The following GALNT17 variants were observed in gnomAD, a reference collection of about 807,000 sequenced individuals.
GALNT17 encodes the protein UDP-GalNAc:polypeptide N-acetylgalactosaminyltransferase-like 3.
GALNT17 carries 29 observed loss-of-function variants against 63.7 expected under a neutral mutation model. That is an observed-to-expected ratio of 0.46 (90% CI 0.34 to 0.62). The LOEUF (loss-of-function observed/expected upper bound fraction) is 0.62. Among genes scored for constraint, GALNT17 ranks in the 20% least tolerant of loss-of-function variants. The pLI is 0.01. For missense variants in GALNT17, 603 were observed against 799.6 expected (o/e 0.75, Z 2.97); for synonymous variants, 305 against 318.3 (o/e 0.96, Z 0.45).
At chr7:71,148,564 C>G (rs961457295) in intron 1 of GALNT17, among the ~76,000 whole-genome samples, 1 of 152,020 alleles carries the variant, frequency 6.6e-6, no homozygotes, top group African/African-American at 2.4e-5. Context: ...TCTACCATGC[C>G]CTCTCTACCC....
At chr7:71,407,326 G>A (rs1490504868) in intron 3 of GALNT17, among the ~76,000 whole-genome samples, 1 of 152,168 alleles carries the variant, frequency 6.6e-6, no homozygotes, top group Non-Finnish European at 1.5e-5. Context: ...CAGGGGAGGG[G>A]CAGGCCAGCT....
intron 6 of GALNT17, among the ~76,000 whole-genome samples, chr7:71,656,599 C>T (rs780323959): frequency 1.3e-5 from 2 of 151,886 alleles, no homozygotes; most frequent in Non-Finnish European, 2.9e-5. Flanking sequence ...GAGTTGGATT[C>T]GGAAGTGGTG....
At chr7:71,391,089 C>T (rs1244564924) in intron 3 of GALNT17, among the ~76,000 whole-genome samples, 2 of 152,176 alleles carry the variant, frequency 1.3e-5, no homozygotes, top group African/African-American at 4.8e-5. Context: ...TTTCCCAGGG[C>T]CTGGCTGGTG....
In GALNT17 at chr7:71,133,170, T is replaced by TA. The variant is rs1787719020; in HGVS notation, c.238+131dup. The TA allele has an allele frequency of 1.4e-5, 11 of 771,210 alleles. No homozygotes were observed. The East Asian group carries it at 3.5e-4, about 25-fold the overall frequency. 47.8% of individuals were successfully genotyped at this position (771,210 alleles called of 1,614,324 possible). ...ACCCTGGCTCCCGCGCGCTCCTTCTTACCCTTCCTGCCCCGTTTCGGGCAG... is the reference window on the plus strand; with the variant it reads ...ACCCTGGCTCCCGCGCGCTCCTTCTTAACCCTTCCTGCCCCGTTTCGGGCAG... On this transcript the variant is annotated intron_variant, in intron 1 of 10. Transcript: ENST00000333538.
At chr7:71,277,856 C>A (rs189090458) in intron 1 of GALNT17, among the ~76,000 whole-genome samples, 16 of 152,256 alleles carry the variant, frequency 1.1e-4, no homozygotes, top group African/African-American at 3.9e-4. Flanking sequence ...GTGCCATGGG[C>A]GGTCACCCGT....
chr7:71,550,412 G>T (rs767743678), intron 5 of GALNT17, among the ~76,000 whole-genome samples: 3 of 151,750 alleles, frequency 2.0e-5, no homozygotes, highest in African/African-American at 7.3e-5. Flanking sequence ...ATGGAGTCTC[G>T]CTCTGTCCCC....
At chr7:71,696,540 G>T (rs1471337645) in intron 9 of GALNT17, among the ~76,000 whole-genome samples, 2 of 152,170 alleles carry the variant, frequency 1.3e-5, no homozygotes, top group Non-Finnish European at 2.9e-5. Context: ...GATGGATTTT[G>T]CTGTGTTCTG....
At chr7:71,290,367 C>T (rs950011055) in intron 1 of GALNT17, among the ~76,000 whole-genome samples, 1 of 152,180 alleles carries the variant, frequency 6.6e-6, no homozygotes, top group Non-Finnish European at 1.5e-5. Context: ...CAGGAATATA[C>T]TCATCTAGGG....
intron 9 of GALNT17, among the ~76,000 whole-genome samples, chr7:71,694,700 T>A (rs996250105): frequency 4.6e-5 from 7 of 152,146 alleles, no homozygotes; most frequent in African/African-American, 1.7e-4. Flanking sequence ...CCAGCCATTA[T>A]CCCCATTTTA....
chr7:71,660,041 T>C (rs1790883506), intron 6 of GALNT17, among the ~76,000 whole-genome samples: 1 of 152,216 alleles, frequency 6.6e-6, no homozygotes, highest in African/African-American at 2.4e-5. Flanking sequence ...GATTAATGCA[T>C]TTCCCTTGCT....
intron 2 of GALNT17, among the ~76,000 whole-genome samples, chr7:71,385,751 G>A (rs971539438): frequency 1.3e-5 from 2 of 152,164 alleles, no homozygotes; most frequent in African/African-American, 4.8e-5. Context: ...CCTAGTTGGG[G>A]CTTTTAGGGC....
At chr7:71,465,349 C>G (rs1207529082) in intron 5 of GALNT17, among the ~76,000 whole-genome samples, 1 of 152,078 alleles carries the variant, frequency 6.6e-6, no homozygotes, top group Non-Finnish European at 1.5e-5. Context: ...AGTAGTTAAC[C>G]TAAAAGATAT....
intron 1 of GALNT17, among the ~76,000 whole-genome samples, chr7:71,254,615 C>T (rs1285606438): frequency 2.0e-5 from 3 of 152,158 alleles, no homozygotes; most frequent in African/African-American, 7.2e-5. Context: ...GAAGGCATGT[C>T]TGACCACCTA....
chr7:71,347,682 G>A lies in GALNT17; in HGVS notation c.422+11949G>A, dbSNP rs534136410. ...GCCTGAGACAGATGCCAGGGTGATGGTGAGAGTCTGGGGAGGGTATTTTCC... is the reference window on the plus strand; with the variant it reads ...GCCTGAGACAGATGCCAGGGTGATGATGAGAGTCTGGGGAGGGTATTTTCC... On this transcript the variant is annotated intron_variant, in intron 2 of 10. Transcript: ENST00000333538. Among the ~76,000 whole-genome samples, 7 of 152,254 alleles carry A rather than the reference G, an allele frequency of 4.6e-5. No individual in the cohort carries two copies. The East Asian group carries it at 1.4e-3, about 30-fold the overall frequency.
intron 5 of GALNT17, among the ~76,000 whole-genome samples, chr7:71,432,001 T>G (rs1394640414): frequency 6.6e-6 from 1 of 152,026 alleles, no homozygotes; most frequent in African/African-American, 2.4e-5. Flanking sequence ...ATAGTGAAAC[T>G]GTGTCTCTAC....
intron 9 of GALNT17, among the ~76,000 whole-genome samples, chr7:71,705,411 G>A (rs897537493): frequency 3.9e-5 from 6 of 152,158 alleles, no homozygotes; most frequent in Non-Finnish European, 8.8e-5. Flanking sequence ...TTCATTGCTG[G>A]TGGGAGTGTA....
At chr7:71,198,205 A>G (rs1789094200) in intron 1 of GALNT17, among the ~76,000 whole-genome samples, 1 of 151,916 alleles carries the variant, frequency 6.6e-6, no homozygotes, top group Non-Finnish European at 1.5e-5. Flanking sequence ...CTCAAAAAAA[A>G]AAAAAAAAAA....
At chr7:71,693,817 G>GT (rs1271785922) in intron 9 of GALNT17, among the ~76,000 whole-genome samples, 1 of 82,318 alleles carries the variant, frequency 1.2e-5, no homozygotes, top group African/African-American at 3.0e-5. Flanking sequence ...TTTAAAAAAA[G>GT]TTAAAAAAAA....
chr7:71,451,892 T>TTTTG (rs543295504), intron 5 of GALNT17, among the ~76,000 whole-genome samples: 2 of 152,178 alleles, frequency 1.3e-5, no homozygotes, highest in African/African-American at 4.8e-5. Context: ...TTGTGGTTTT[T>TTTTG]TTTGTTTGTT....
Sources: allele counts gnomAD v4.1 joint callset (sites outside exome capture counted in the v4.1 genomes callset), GRCh38; gene constraint gnomAD v4.1.1; transcripts MANE v1.5; gene names NCBI Gene and HGNC (gene_info 2026-07-23, HGNC 2026-07-21).